Variants in CLSPN observed in about 807,000 individuals in gnomAD.
The protein encoded by CLSPN is claspin.
A neutral mutation model predicts 156.3 loss-of-function variants in CLSPN; 85 were observed. The ratio of observed to expected loss-of-function variants is 0.54; its 90% CI spans 0.46 to 0.65. The LOEUF is 0.65. Among genes scored for constraint, CLSPN ranks in the 30% least tolerant of loss-of-function variants. The pLI is 0.00. For synonymous variants in CLSPN, 534 were observed against 542.4 expected (o/e 0.98, Z 0.22); for missense variants, 1,407 against 1,554.9 (o/e 0.90, Z 1.60).
At chr1:35,764,158 C>T (rs1327056190) in intron 3 of CLSPN, 108 bp downstream of exon 3, 1 of 688,138 alleles carries the variant, frequency 1.5e-6, no homozygotes, top group African/African-American at 1.8e-5. Flanking sequence ...ACAAAATAGT[C>T]AATTCAAAGC....
chr1:35,748,270 G>A, intron 13 of CLSPN, 135 bp downstream of exon 13: 2 of 991,714 alleles, frequency 2.0e-6, no homozygotes, highest in Non-Finnish European at 3.0e-6. Flanking sequence ...AATACACAAA[G>A]GGGGTGGATT....
intron 10 of CLSPN, among the ~76,000 whole-genome samples, chr1:35,750,908 C>A (rs1642060787): frequency 6.6e-6 from 1 of 151,828 alleles, no homozygotes; most frequent in Admixed American, 6.6e-5. Flanking sequence ...GCTAGAGAAA[C>A]CTAAATAAAC....
intron 14 of CLSPN, among the ~76,000 whole-genome samples, 198 bp from the exon 15 acceptor site, chr1:35,747,190 T>C (rs1043861267): frequency 1.3e-5 from 2 of 151,944 alleles, no homozygotes; most frequent in East Asian, 3.9e-4. Context: ...GGCGTGGTGG[T>C]GGGCGCCTGT....
chr1:35,733,842 T>A lies in CLSPN; in HGVS notation c.*2654A>T, dbSNP rs1187609132. ...AAATAAAATAATTAGCTGGGCATGG[T>A]GGCATATGCCTGTAATGTGGCCCAG... is the stretch of plus-strand genomic sequence containing the variant. On this transcript the variant is annotated 3_prime_UTR_variant, in exon 25 of 25. Transcript: ENST00000318121. 2 of 508,762 alleles carry A rather than the reference T, an allele frequency of 3.9e-6. No individual in the cohort carries two copies. Among genetic ancestry groups the A allele is most frequent in the East Asian group, 1.5e-4 (1 of 6,470 alleles). The allele number at this position is 508,762 out of a possible 1,614,324, so 31.5% of individuals were successfully genotyped here.
rs1444119183 is a variant in CLSPN at position 35,760,436 on chromosome 1, A to T, written c.1485T>A (p.Asp495Glu). The change falls in exon 8 of 25, where the codon GAT becomes GAA. Residue 495 changes from aspartate to glutamate, a missense_variant. Coordinates refer to ENST00000318121, the MANE Select transcript of CLSPN (RefSeq NM_022111.4). ...PPEKVRRFTL[D>E]RLKQLGVDVS... Reference sequence around the variant, plus strand: ...CATCTACTCCCAGTTGCTTAAGTCTATCCAGAGTAAACCGTCTCACTTTTT... The same window carrying T: ...CATCTACTCCCAGTTGCTTAAGTCTTTCCAGAGTAAACCGTCTCACTTTTT... 1 of 1,614,114 alleles carries T rather than the reference A, an allele frequency of 6.2e-7. No individual in the cohort carries two copies. The highest frequency in any genetic ancestry group is 8.5e-7 in the Non-Finnish European group (1 of 1,180,050).
chr1:35,729,048 G>A (rs1282294293), downstream of CLSPN, among the ~76,000 whole-genome samples: 3 of 150,638 alleles, frequency 2.0e-5, no homozygotes, highest in Non-Finnish European at 2.9e-5. Flanking sequence ...TTTTTGCCTA[G>A]GTCCATCTGG....
chr1:35,749,444 T>G (rs763325295), intron 12 of CLSPN, 23 bp downstream of exon 12: 2 of 1,609,636 alleles, frequency 1.2e-6, no homozygotes. Context: ...AATGTTAAGT[T>G]CTGCACAAGA....
chr1:35,749,197 T>C (rs1285923238), intron 12 of CLSPN, among the ~76,000 whole-genome samples: 2 of 152,164 alleles, frequency 1.3e-5, no homozygotes, highest in African/African-American at 4.8e-5. Flanking sequence ...CAATTATACG[T>C]CTTCCTTTGA....
chr1:35,768,183 T>C (rs565863741), intron 1 of CLSPN, among the ~76,000 whole-genome samples: 3 of 152,116 alleles, frequency 2.0e-5, no homozygotes, highest in South Asian at 4.2e-4. Context: ...GCCTGGCCAA[T>C]ACAGTAAAAC....
intron 8 of CLSPN, among the ~76,000 whole-genome samples, chr1:35,755,741 C>T (rs1299325895): frequency 6.6e-6 from 1 of 152,082 alleles, no homozygotes; most frequent in Non-Finnish European, 1.5e-5. Context: ...CAGGGTCTTG[C>T]TCTGTTGCTC....
intron 24 of CLSPN, among the ~76,000 whole-genome samples, chr1:35,726,472 G>GGGTGGT (rs1641192377): frequency 6.9e-6 from 1 of 144,170 alleles, no homozygotes; most frequent in Admixed American, 7.4e-5. Context: ...AAACAATGCT[G>GGGTGGT]GGTGGTGGTG....
In CLSPN at chr1:35,733,723, A is replaced by T. The variant is rs1168304091; in HGVS notation, c.*2773T>A. ...GCTGGGCATGGTGGCTGAGCCTGTG[A>T]CCCCAGCATTTTGGGAGGCCAAGGT... On this transcript the variant is annotated 3_prime_UTR_variant, in exon 25 of 25. Transcript: ENST00000318121. 4 of 984,506 alleles carry T rather than the reference A, an allele frequency of 4.1e-6. No homozygotes were observed. The Admixed American group carries it at 1.8e-4, about 45-fold the overall frequency. 61.0% of individuals were successfully genotyped at this position (984,506 alleles called of 1,614,324 possible).
intron 18 of CLSPN, among the ~76,000 whole-genome samples, chr1:35,740,450 G>A (rs533292041): frequency 1.1e-4 from 16 of 149,394 alleles, no homozygotes; most frequent in Non-Finnish European, 1.8e-4. Context: ...ATGAAGTGTC[G>A]CTCTGTCGCC....
chr1:35,725,680 G>A (rs1292812946), intron 24 of CLSPN, among the ~76,000 whole-genome samples: 1 of 152,146 alleles, frequency 6.6e-6, no homozygotes, highest in Non-Finnish European at 1.5e-5. Flanking sequence ...AGCCTGAATG[G>A]GCTTGGAGCC....
At chr1:35,762,777 C>T (rs761875733) in intron 4 of CLSPN, among the ~76,000 whole-genome samples, 8 of 152,212 alleles carry the variant, frequency 5.3e-5, no homozygotes, top group South Asian at 4.1e-4. Flanking sequence ...TCCAAACACT[C>T]GGGACAACAA....
In CLSPN at chr1:35,732,333, C is replaced by T. The variant is rs1453954731; in HGVS notation, c.*4163G>A. 1.0e-6 allele frequency: 1 copy of T among 985,266 alleles called. No homozygotes were observed. Among genetic ancestry groups the T allele is most frequent in the Non-Finnish European group, 1.2e-6 (1 of 829,888 alleles). 61.0% of individuals were successfully genotyped at this position (985,266 alleles called of 1,614,324 possible). ...GCCACAAGAGTGATTAGACATAACC[C>T]TAGGAGATAAAAACCAAAAACACCC... On this transcript the variant is annotated 3_prime_UTR_variant, in exon 25 of 25. Coordinates refer to ENST00000318121, the MANE Select transcript of CLSPN (RefSeq NM_022111.4).
chr1:35,760,267 C>T, intron 8 of CLSPN, 75 bp downstream of exon 8: 1 of 1,183,686 alleles, frequency 8.4e-7, no homozygotes, highest in South Asian at 1.5e-5. Flanking sequence ...TGTTCTCTGT[C>T]CTCGACAGTA....
At chr1:35,753,607 T>A (rs903938807) in intron 9 of CLSPN, 138 bp downstream of exon 9, 1 of 755,602 alleles carries the variant, frequency 1.3e-6, no homozygotes, top group Non-Finnish European at 2.1e-6. Context: ...TACACGTGAA[T>A]CATGCCAGAG....
Position 35,760,662 on chromosome 1 carries a change from G to C in CLSPN, c.1259C>G (p.Pro420Arg). Residue 420 changes from proline (P) to arginine (R), a missense_variant, in exon 8 of 25, where the codon CCT becomes CGT. By Grantham distance (103) the Pro-to-Arg change is moderately radical. Around this residue, in one of 3 missense-constraint regions of CLSPN, gnomAD observed 1,096 missense variants for 1,193.0 expected, o/e 0.92. Transcript: ENST00000318121. ...QEKQKQSDIR[P>R]SPGDSSVLQQ... ...CAACACTGAGCTGTCCCCAGGTGAA[G>C]GTCTAATGTCACTCTGCTTCTGTTT... 6.2e-7 allele frequency: 1 copy of C among 1,614,140 alleles called. No homozygotes were observed. The highest frequency in any genetic ancestry group is 8.5e-7 in the Non-Finnish European group (1 of 1,180,020).
Sources: allele counts gnomAD v4.1 joint callset (sites outside exome capture counted in the v4.1 genomes callset), GRCh38; gene constraint gnomAD v4.1.1; regional missense constraint gnomAD v4.1.1; transcripts MANE v1.5; gene names NCBI Gene and HGNC (gene_info 2026-07-23, HGNC 2026-07-21).